GALNS: variants seen among roughly 807,000 people sequenced by gnomAD.
GALNS encodes galactosamine (N-acetyl)-6-sulfatase.
Under a neutral mutation model 65.9 loss-of-function variants are expected in GALNS, and 65 were observed. The observed-to-expected ratio is 0.99, with a 90% CI of 0.81 to 1.21. The LOEUF (loss-of-function observed/expected upper bound fraction) is 1.21, where lower values mean the gene tolerates loss of function less well. Ranked by LOEUF, GALNS falls within the 50% of genes most tolerant of loss-of-function variation. GALNS has a pLI of 0.00. For synonymous variants in GALNS, 346 were observed against 288.9 expected (o/e 1.20, Z -2.00); for missense variants, 776 against 700.7 (o/e 1.11, Z -1.21).
At chr16:88,840,714 G>C (rs540665524) in intron 4 of GALNS, 2 of 486,794 alleles carry the variant, frequency 4.1e-6, no homozygotes. Flanking sequence ...GCGGGTGCTA[G>C]GGGCTGTGAC....
At chr16:88,816,070 G>A (rs577111827) in intron 13 of GALNS, 14 of 985,438 alleles carry the variant, frequency 1.4e-5, no homozygotes, top group African/African-American at 1.7e-5. Context: ...CTCTGCTCAC[G>A]GTGGCATCTG....
chr16:88,846,191 A>T lies in GALNS; in HGVS notation c.121-3362T>A, dbSNP rs113230415. ...TATCCCCAAAAGTTATGCTGAAATC[A>T]TGGCCCCAGTGTAGCTCAGCATGTG... On this transcript the variant is annotated intron_variant, in intron 1 of 13. Transcript: ENST00000268695. Among the ~76,000 whole-genome samples the T allele has an allele frequency of 3.6e-3, 541 of 152,336 alleles. 2 individuals are homozygous for T. Among genetic ancestry groups the T allele is most frequent in the African/African-American group, 0.012 (506 of 41,572 alleles).
intron 11 of GALNS, among the ~76,000 whole-genome samples, chr16:88,824,507 T>C (rs951777475): frequency 6.6e-6 from 1 of 152,014 alleles, no homozygotes; most frequent in African/African-American, 2.4e-5. Context: ...CTGACCAGGG[T>C]CTAGGCCACG....
intron 4 of GALNS, 56 bp from the exon 5 acceptor site, chr16:88,837,821 T>C: frequency 6.3e-7 from 1 of 1,592,126 alleles, no homozygotes. Context: ...ACTCGGAAGT[T>C]CTGAGCAGCA....
At chr16:88,852,680 G>A (rs1010816002) in intron 1 of GALNS, among the ~76,000 whole-genome samples, 2 of 152,220 alleles carry the variant, frequency 1.3e-5, no homozygotes, top group Non-Finnish European at 2.9e-5. Flanking sequence ...ACAGTGTAGA[G>A]AAGACCTTAG....
rs77193632 is a variant in GALNS, at chr16:88,829,458, C to T, written c.1002+2540G>A. ...AGCCGCAGCTGCCTTTTCAGTGAACCGTGGGGTCTCTTCCACCTTCAGGGT... is the reference window on the plus strand; with the variant it reads ...AGCCGCAGCTGCCTTTTCAGTGAACTGTGGGGTCTCTTCCACCTTCAGGGT... On this transcript the variant is annotated intron_variant, in intron 9 of 13. Transcript: ENST00000268695. Among the ~76,000 whole-genome samples, 858 of 152,326 alleles carry T rather than the reference C, an allele frequency of 5.6e-3. 12 individuals are homozygous for T. The highest frequency in any genetic ancestry group is 0.02 in the African/African-American group (817 of 41,562).
chr16:88,835,089 G>T, intron 8 of GALNS, 124 bp downstream of exon 8: 1 of 1,261,450 alleles, frequency 7.9e-7, no homozygotes, highest in Non-Finnish European at 1.1e-6. Context: ...TGCTCCTCCC[G>T]CTGGACCCAG....
intron 1 of GALNS, chr16:88,855,096 G>A (rs915232296): frequency 6.5e-6 from 3 of 458,852 alleles, no homozygotes; most frequent in Admixed American, 2.6e-5. Flanking sequence ...TATTTACCGG[G>A]AGCCACATTA....
Position 88,814,286 on chromosome 16 carries a change from G to T in GALNS, c.*153C>A. 1 of 1,034,870 alleles carries T rather than the reference G, an allele frequency of 9.7e-7. No individual in the cohort carries two copies. 64.1% of individuals were successfully genotyped at this position (1,034,870 alleles called of 1,614,324 possible). A position where few individuals can be genotyped will look rare whatever the true frequency, so the allele number is the denominator to read the frequency against. On this transcript the variant is annotated 3_prime_UTR_variant, in exon 14 of 14. Transcript: ENST00000268695. ...AAGCACACGCCAGGGTCAGGTCCTG[G>T]GCAGGTGGAATTGTGCAGTCCCCCT...
intron 12 of GALNS, among the ~76,000 whole-genome samples, chr16:88,818,716 C>T (rs11866753): frequency 0.033 from 4,957 of 152,306 alleles, 264 homozygotes; most frequent in African/African-American, 0.11. Context: ...TCCACGGCGC[C>T]GTCATGCTGT....
rs1355113466 is a variant in GALNS at position 88,814,520 on chromosome 16, C to A, written c.1488G>T (p.Trp496Cys). The change falls in exon 14 of 14, where the codon TGG becomes TGT. Residue 496 changes from tryptophan (W) to cysteine (C), a missense_variant. Transcript: ENST00000268695. ...LNVCNWAVMN[W>C]APPGCEKLGK... Reference sequence around the variant, plus strand: ...CTAACTTTTCACAGCCCGGAGGTGCCCAGTTCTGGGAAATGAAAATTGAGA... The same window carrying A: ...CTAACTTTTCACAGCCCGGAGGTGCACAGTTCTGGGAAATGAAAATTGAGA... The A allele has an allele frequency of 6.4e-7, 1 of 1,555,840 alleles. No individual in the cohort carries two copies. Among genetic ancestry groups the A allele is most frequent in the Non-Finnish European group, 8.7e-7 (1 of 1,149,218 alleles).
chr16:88,827,401 G>C (rs1025814288), intron 9 of GALNS, among the ~76,000 whole-genome samples: 8 of 152,246 alleles, frequency 5.3e-5, no homozygotes, highest in Admixed American at 2.0e-4. Context: ...GCCATGAGCA[G>C]AGCGTGCCAT....
At chr16:88,822,159 T>C (rs2142992072) in intron 12 of GALNS, among the ~76,000 whole-genome samples, 1 of 152,136 alleles carries the variant, frequency 6.6e-6, no homozygotes, top group South Asian at 2.1e-4. Context: ...TGGCGCAGAC[T>C]CCGGCATCCT....
chr16:88,821,038 T>C (rs1910158809), intron 12 of GALNS, among the ~76,000 whole-genome samples: 1 of 152,160 alleles, frequency 6.6e-6, no homozygotes. Flanking sequence ...AGGCCCCCCA[T>C]GGTTTCACGG....
At chr16:88,837,514 C>G (rs1440951729) in intron 5 of GALNS, 108 bp downstream of exon 5, 13 of 1,171,978 alleles carry the variant, frequency 1.1e-5, no homozygotes, top group Non-Finnish European at 1.5e-5. Context: ...AGGGACAGAC[C>G]AGCCCTCATG....
intron 9 of GALNS, among the ~76,000 whole-genome samples, chr16:88,829,716 C>G (rs961949991): frequency 6.6e-6 from 1 of 152,252 alleles, no homozygotes. Flanking sequence ...GGGACCCTGA[C>G]AGACGACTTC....
chr16:88,856,919 C>A lies in GALNS; in HGVS notation c.-42G>T, dbSNP rs1433642862. 10 of 1,486,070 alleles carry A rather than the reference C, an allele frequency of 6.7e-6. No individual in the cohort carries two copies. Among genetic ancestry groups the A allele is most frequent in the Admixed American group, 4.6e-5 (2 of 43,874 alleles). 92.1% of individuals were successfully genotyped at this position (1,486,070 alleles called of 1,614,324 possible). A position where few individuals can be genotyped will look rare whatever the true frequency, so the allele number is the denominator to read the frequency against. ...GCGGAGCCCCGGCCAGCGAGCCGAC[C>A]TAGCGAGCGTCCGCCGGCCCTTCCG... On this transcript the variant is annotated 5_prime_UTR_variant, in exon 1 of 14. The change creates a new upstream start codon in the 5' untranslated region. Transcript: ENST00000268695.
intron 4 of GALNS, 55 bp downstream of exon 4, chr16:88,840,937 A>C: frequency 7.2e-7 from 1 of 1,394,596 alleles, no homozygotes; most frequent in South Asian, 1.2e-5. Flanking sequence ...CTTGGAACCA[A>C]GGCCAGGAAG....
intron 9 of GALNS, among the ~76,000 whole-genome samples, chr16:88,830,117 G>C (rs1364326598): frequency 2.0e-5 from 3 of 151,696 alleles, no homozygotes; most frequent in African/African-American, 7.3e-5. Context: ...TGTAGTCCCA[G>C]CTACTCGGGA....
Sources: allele counts gnomAD v4.1 joint callset (sites outside exome capture counted in the v4.1 genomes callset), GRCh38; gene constraint gnomAD v4.1.1; transcripts MANE v1.5; gene names NCBI Gene and HGNC (gene_info 2026-07-23, HGNC 2026-07-21).